ST8SIA6: variants seen among roughly 807,000 people sequenced by gnomAD.
ST8SIA6 encodes the protein alpha-2,8-sialyltransferase 8F.
In ST8SIA6, 39 loss-of-function variants were observed where a neutral mutation model predicts 33.6. The observed-to-expected ratio is 1.16, with a 90% CI of 0.90 to 1.52. The LOEUF (loss-of-function observed/expected upper bound fraction) is 1.52, where lower values mean the gene tolerates loss of function less well. Ranked by LOEUF, ST8SIA6 falls within the 40% of genes most tolerant of loss-of-function variation. The pLI is 0.00. For missense variants in ST8SIA6, 441 were observed against 443.8 expected (o/e 0.99, Z 0.06); for synonymous variants, 172 against 167.2 (o/e 1.03, Z -0.22).
rs1847823413 is a variant in ST8SIA6, at chr10:17,317,829, G to A, written c.*3049C>T. ...ACTGATTACCTGGCTGAGAGCCCAC[G>A]CAGTTACTGGGTTAGGACTTACATG... On this transcript the variant is annotated 3_prime_UTR_variant, in exon 8 of 8. Coordinates refer to ENST00000377602, the MANE Select transcript of ST8SIA6 (RefSeq NM_001004470.3). 6.6e-6 allele frequency among the ~76,000 whole-genome samples: 1 copy of A among 152,182 alleles called. No individual in the cohort carries two copies. The highest frequency in any genetic ancestry group is 2.1e-4 in the South Asian group (1 of 4,836).
intron 2 of ST8SIA6, among the ~76,000 whole-genome samples, chr10:17,406,994 T>C (rs192580299): frequency 5.9e-4 from 90 of 152,116 alleles, no homozygotes; most frequent in Non-Finnish European, 8.4e-4. Context: ...TGTTTCTCCA[T>C]GTTGGCCAGG....
chr10:17,371,034 T>C (rs1394699533), intron 3 of ST8SIA6, among the ~76,000 whole-genome samples: 1 of 152,130 alleles, frequency 6.6e-6, no homozygotes, highest in African/African-American at 2.4e-5. Flanking sequence ...TTGGTGGGGT[T>C]AGGAAGAAAT....
Position 17,321,453 on chromosome 10 carries a change from G to T in ST8SIA6, c.729-107C>A, listed in dbSNP as rs889072910. 283 of 850,452 alleles carry T rather than the reference G, an allele frequency of 3.3e-4. 1 individual carries two copies. The highest frequency in any genetic ancestry group is 1.9e-3 in the Admixed American group (66 of 34,518). The allele number at this position is 850,452 out of a possible 1,614,324, so 52.7% of individuals were successfully genotyped here. On this transcript the variant is annotated intron_variant, in intron 7 of 7. Transcript: ENST00000377602. ...CATTGGTCAAAACACTGAACGATTTGTATACTGTATATAAAACAGATAAAG... is the reference window on the plus strand; with the variant it reads ...CATTGGTCAAAACACTGAACGATTTTTATACTGTATATAAAACAGATAAAG...
At chr10:17,391,316 G>A (rs899004523) in intron 2 of ST8SIA6, among the ~76,000 whole-genome samples, 1 of 151,692 alleles carries the variant, frequency 6.6e-6, no homozygotes, top group African/African-American at 2.4e-5. Context: ...AGGCTGGAGT[G>A]CAGTGGTGCA....
At chr10:17,425,865 C>G (rs1406365527) in intron 2 of ST8SIA6, among the ~76,000 whole-genome samples, 2 of 152,030 alleles carry the variant, frequency 1.3e-5, no homozygotes, top group Non-Finnish European at 2.9e-5. Flanking sequence ...AATTAAGATC[C>G]AATATTATGC....
chr10:17,327,956 G>A (rs574670128), intron 5 of ST8SIA6, among the ~76,000 whole-genome samples: 5 of 152,176 alleles, frequency 3.3e-5, no homozygotes, highest in Admixed American at 2.6e-4. Flanking sequence ...AAATCATTAT[G>A]TGAACCTAAG....
chr10:17,394,356 G>GA (rs546106601), intron 2 of ST8SIA6, among the ~76,000 whole-genome samples: 4,552 of 109,388 alleles, frequency 0.042, 75 homozygotes, highest in Middle Eastern at 0.058. Context: ...TTGCCTTTAA[G>GA]AAAAAAAAAA....
At chr10:17,397,242 T>TTC (rs1554796925) in intron 2 of ST8SIA6, among the ~76,000 whole-genome samples, 2 of 147,730 alleles carry the variant, frequency 1.4e-5, no homozygotes, top group Non-Finnish European at 3.0e-5. Flanking sequence ...TGTTTTTTTT[T>TTC]TTTTTTTTGA....
intron 2 of ST8SIA6, among the ~76,000 whole-genome samples, chr10:17,449,185 A>G (rs1564470845): frequency 6.6e-6 from 1 of 152,050 alleles, no homozygotes. Flanking sequence ...GAAAAATAAC[A>G]TAAATAAATC....
Position 17,318,591 on chromosome 10 carries a change from G to T in ST8SIA6, c.*2287C>A, listed in dbSNP as rs1485318895. 2.3e-6 allele frequency: 1 copy of T among 443,898 alleles called. No homozygotes were observed. Among genetic ancestry groups the T allele is most frequent in the Non-Finnish European group, 4.6e-6 (1 of 216,944 alleles). 27.5% of individuals were successfully genotyped at this position (443,898 alleles called of 1,614,324 possible). ...GCCCTTAGATGTACTTGAGTTTTAA[G>T]AGCAGAAGATCACATTAGATCTAAC... On this transcript the variant is annotated 3_prime_UTR_variant, in exon 8 of 8. Coordinates refer to ENST00000377602, the MANE Select transcript of ST8SIA6 (RefSeq NM_001004470.3).
At chr10:17,415,394 G>T (rs563175548) in intron 2 of ST8SIA6, among the ~76,000 whole-genome samples, 1 of 152,270 alleles carries the variant, frequency 6.6e-6, no homozygotes, top group African/African-American at 2.4e-5. Context: ...ATGACTGGGA[G>T]AAGACTGAAG....
At chr10:17,412,570 G>A (rs887715537) in intron 2 of ST8SIA6, among the ~76,000 whole-genome samples, 4 of 152,174 alleles carry the variant, frequency 2.6e-5, no homozygotes, top group Admixed American at 6.5e-5. Flanking sequence ...CATTGTTTGA[G>A]CCTAGGGGAG....
chr10:17,436,014 C>G (rs1852243100), intron 2 of ST8SIA6, among the ~76,000 whole-genome samples: 1 of 152,102 alleles, frequency 6.6e-6, no homozygotes, highest in Admixed American at 6.5e-5. Context: ...ATCCACAAAC[C>G]CAGCTACTAA....
chr10:17,357,842 C>T (rs1849247788), intron 4 of ST8SIA6, among the ~76,000 whole-genome samples: 1 of 152,174 alleles, frequency 6.6e-6, no homozygotes, highest in East Asian at 1.9e-4. Context: ...TTAGATTGAT[C>T]CTCAATAGCT....
At chr10:17,343,259 G>A (rs1848731433) in intron 4 of ST8SIA6, among the ~76,000 whole-genome samples, 1 of 152,164 alleles carries the variant, frequency 6.6e-6, no homozygotes, top group Non-Finnish European at 1.5e-5. Context: ...GGTCCAGGAA[G>A]AAAGGTCAGC....
At chr10:17,361,078 AAGTT>A (rs1849371295) in intron 3 of ST8SIA6, among the ~76,000 whole-genome samples, 1 of 152,126 alleles carries the variant, frequency 6.6e-6, no homozygotes, top group South Asian at 2.1e-4. Context: ...CATTAAAACA[AAGTT>A]AGAAGGGCTA....
chr10:17,386,328 G>A (rs778057591), intron 3 of ST8SIA6, among the ~76,000 whole-genome samples: 1 of 151,994 alleles, frequency 6.6e-6, no homozygotes, highest in East Asian at 1.9e-4. Context: ...TCAGGAGCTC[G>A]ATCACAAGGT....
chr10:17,347,953 C>CAAAAAAAAAAAAAAAAAAAAAAAAA (rs55996465), intron 4 of ST8SIA6, among the ~76,000 whole-genome samples: 7 of 68,628 alleles, frequency 1.0e-4, no homozygotes, highest in East Asian at 8.2e-4. Context: ...GACTCTGTCT[C>CAAAAAAAAAAAAAAAAAAAAAAAAA]AAAAAAAAAA....
At chr10:17,448,760 T>C (rs11595070) in intron 2 of ST8SIA6, among the ~76,000 whole-genome samples, 3,425 of 149,008 alleles carry the variant, frequency 0.023, 53 homozygotes, top group Non-Finnish European at 0.037. Flanking sequence ...GGACTACAGG[T>C]GCCCGCCACC....
Sources: gnomAD v4.1 joint callset for allele counts (sites outside exome capture counted in the v4.1 genomes callset) on GRCh38, gnomAD v4.1.1 for gene constraint, MANE v1.5 for transcripts, NCBI Gene and HGNC (gene_info 2026-07-23, HGNC 2026-07-21) for gene names.